Variants in MTHFD1L observed in about 807,000 individuals in gnomAD.
MTHFD1L encodes monofunctional C1-tetrahydrofolate synthase, mitochondrial.
A neutral mutation model predicts 119.5 loss-of-function variants in MTHFD1L; 81 were observed. The observed-to-expected ratio is 0.68, with a 90% confidence interval of 0.57 to 0.82. The LOEUF (loss-of-function observed/expected upper bound fraction) is 0.82, where lower values mean the gene tolerates loss of function less well. Ranked by LOEUF, MTHFD1L falls within the 40% of genes least tolerant of loss-of-function variation. The pLI is 0.00. For synonymous variants in MTHFD1L, 430 were observed against 475.2 expected (o/e 0.90, Z 1.24); for missense variants, 1,125 against 1,253.4 (o/e 0.90, Z 1.55).
At chr6:150,885,824 AT>A in intron 6 of MTHFD1L, 90 bp downstream of exon 6, 4 of 965,896 alleles carry the variant, frequency 4.1e-6, no homozygotes, top group Non-Finnish European at 4.6e-6. Context: ...AGAATTAAAA[AT>A]TTTTTTAAAT....
intron 2 of MTHFD1L, among the ~76,000 whole-genome samples, chr6:150,876,695 C>A (rs1780504143): frequency 1.3e-5 from 2 of 152,186 alleles, no homozygotes; most frequent in South Asian, 2.1e-4. Flanking sequence ...CAGTTGGCCC[C>A]AGTTGCCATC....
At chr6:151,093,656 T>TA (rs753488261) in intron 27 of MTHFD1L, among the ~76,000 whole-genome samples, 112 of 144,706 alleles carry the variant, frequency 7.7e-4, no homozygotes, top group Middle Eastern at 7.1e-3. Context: ...ACTCTCCTTC[T>TA]AAAAAAAAAA....
intron 7 of MTHFD1L, among the ~76,000 whole-genome samples, chr6:150,902,557 A>G (rs1174972376): frequency 1.3e-5 from 2 of 152,154 alleles, no homozygotes; most frequent in African/African-American, 4.8e-5. Context: ...CAGGCTATTT[A>G]CTGATTTAAG....
At chr6:150,974,340 T>C (rs1278711141) in intron 20 of MTHFD1L, among the ~76,000 whole-genome samples, 1 of 152,258 alleles carries the variant, frequency 6.6e-6, no homozygotes, top group Non-Finnish European at 1.5e-5. Flanking sequence ...TTACCCCCAC[T>C]ATTGATACAC....
intron 11 of MTHFD1L, among the ~76,000 whole-genome samples, chr6:150,932,177 A>AG (rs1017648643): frequency 6.6e-6 from 1 of 150,404 alleles, no homozygotes; most frequent in Non-Finnish European, 1.5e-5. Flanking sequence ...AAAAAAAAAA[A>AG]AAAAAAAAGC....
intron 11 of MTHFD1L, among the ~76,000 whole-genome samples, chr6:150,928,270 C>G (rs1790388174): frequency 6.6e-6 from 1 of 151,688 alleles, no homozygotes; most frequent in Admixed American, 6.6e-5. Flanking sequence ...CCCGTCTCTA[C>G]TAAAAATACC....
chr6:150,870,965 T>TA, intron 1 of MTHFD1L, among the ~76,000 whole-genome samples: 1 of 145,060 alleles, frequency 6.9e-6, no homozygotes, highest in South Asian at 2.1e-4. Context: ...ATATATATTA[T>TA]ATATATAAAA....
At chr6:151,047,075 A>AT (rs60907945) in intron 26 of MTHFD1L, among the ~76,000 whole-genome samples, 5,219 of 152,282 alleles carry the variant, frequency 0.034, 161 homozygotes, top group African/African-American at 0.083. Flanking sequence ...TCAGATTACA[A>AT]TAAGTCCTCA....
rs1052354968 is a variant in MTHFD1L at position 150,979,523 on chromosome 6, C to T, written c.2125+7465C>T. On this transcript the variant is annotated intron_variant, in intron 20 of 27. Transcript: ENST00000367321. The stretch of plus-strand genomic sequence containing the variant: ...ATTTTTTTATTTTCCTTTTTTGAGA[C>T]GGAGTCTCACTCTGTCTCCTAGGCT... Among the ~76,000 whole-genome samples the T allele has an allele frequency of 1.7e-4, 26 of 151,908 alleles. 1 individual carries two copies. Among genetic ancestry groups the T allele is most frequent in the South Asian group, 6.2e-4 (3 of 4,822 alleles).
At chr6:151,075,515 A>T (rs1792401522) in intron 26 of MTHFD1L, among the ~76,000 whole-genome samples, 1 of 152,192 alleles carries the variant, frequency 6.6e-6, no homozygotes, top group African/African-American at 2.4e-5. Context: ...AGATAAAATT[A>T]TAGGGAAAAA....
chr6:151,016,276 CAA>C (rs1327248734), intron 24 of MTHFD1L, among the ~76,000 whole-genome samples: 5 of 152,002 alleles, frequency 3.3e-5, no homozygotes, highest in Non-Finnish European at 5.9e-5. Context: ...TGCACAGGAA[CAA>C]GAGCAATTTC....
intron 1 of MTHFD1L, chr6:150,866,685 A>G (rs1316486404): frequency 1.7e-6 from 2 of 1,164,718 alleles, no homozygotes; most frequent in Non-Finnish European, 2.1e-6. Context: ...GAGAGGTCTC[A>G]GCGCTGGTTT....
chr6:150,875,037 C>T (rs1001588245), intron 1 of MTHFD1L, among the ~76,000 whole-genome samples: 8 of 151,272 alleles, frequency 5.3e-5, no homozygotes, highest in Admixed American at 2.6e-4. Flanking sequence ...CGTGAGCCAC[C>T]GCTCCTGGAC....
intron 15 of MTHFD1L, among the ~76,000 whole-genome samples, chr6:150,946,733 A>G (rs948247506): frequency 6.6e-6 from 1 of 152,130 alleles, no homozygotes; most frequent in Admixed American, 6.6e-5. Flanking sequence ...CTCGGCAGCT[A>G]TAACAACATG....
rs1462426431 is a variant in MTHFD1L at position 151,012,038 on chromosome 6, A to C, written c.2266-1741A>C. On this transcript the variant is annotated intron_variant, in intron 21 of 27. Coordinates refer to ENST00000367321, the MANE Select transcript of MTHFD1L (RefSeq NM_015440.5). ...CAACAACAAAAAAAAAAAAAAAAAA[A>C]AAAAAAAAAAAAACCAGCAGGGACC... is the stretch of plus-strand genomic sequence containing the variant. 2.5e-3 allele frequency among the ~76,000 whole-genome samples: 374 copies of C among 147,292 alleles called. 4 individuals are homozygous for C. The highest frequency in any genetic ancestry group is 8.8e-3 in the African/African-American group (357 of 40,640).
chr6:150,969,334 A>G (rs1797704757), intron 19 of MTHFD1L, among the ~76,000 whole-genome samples: 1 of 152,156 alleles, frequency 6.6e-6, no homozygotes, highest in Admixed American at 6.5e-5. Context: ...CTGCCTAATA[A>G]ATCAGAGATT....
Position 150,926,046 on chromosome 6 carries a change from G to A in MTHFD1L, c.1083-76G>A. On this transcript the variant is annotated intron_variant, in intron 10 of 27. Transcript: ENST00000367321. This position sits in a 1 kb window ranked among gnomAD's most constrained non-coding sequence, Gnocchi z 4.3. ...ATTGATTTCATCGTTGGCGTGATGT[G>A]TGGCTGTTTTCACTCCAGTTGTGAC... 7.6e-7 allele frequency: 1 copy of A among 1,307,372 alleles called. No homozygotes were observed. Among genetic ancestry groups the A allele is most frequent in the South Asian group, 1.5e-5 (1 of 67,266 alleles). The allele number at this position is 1,307,372 out of a possible 1,614,324, so 81.0% of individuals were successfully genotyped here. A position where few individuals can be genotyped will look rare whatever the true frequency, so the allele number is the denominator to read the frequency against.
chr6:151,090,946 T>TCCATGCGACTGGGTGCAGCATCGCC lies in MTHFD1L; in HGVS notation c.2848-1497_2848-1473dup, dbSNP rs1562651414. The stretch of plus-strand genomic sequence containing the variant: ...TCCATGCGACTGGGTGCAGCATCGT[T>TCCATGCGACTGGGTGCAGCATCGCC]CCATGCGACTGGGTGCAGCATCGCC... On this transcript the variant is annotated intron_variant, in intron 26 of 27. Transcript: ENST00000367321. Among the ~76,000 whole-genome samples the TCCATGCGACTGGGTGCAGCATCGCC allele has an allele frequency of 4.9e-4, 44 of 90,358 alleles. 4 individuals are homozygous for TCCATGCGACTGGGTGCAGCATCGCC. Among genetic ancestry groups the TCCATGCGACTGGGTGCAGCATCGCC allele is most frequent in the South Asian group, 1.9e-3 (5 of 2,674 alleles). The allele number at this position is 90,358 out of a possible 152,430, so 59.3% of individuals were successfully genotyped here.
intron 21 of MTHFD1L, among the ~76,000 whole-genome samples, chr6:151,012,418 G>A (rs1386184368): frequency 2.6e-5 from 4 of 151,684 alleles, no homozygotes; most frequent in East Asian, 1.9e-4. Context: ...CGCTGGGATC[G>A]ACTTCCTTTT....
Sources: gnomAD v4.1 joint callset for allele counts (sites outside exome capture counted in the v4.1 genomes callset) on GRCh38, gnomAD v4.1.1 for gene constraint, Gnocchi (gnomAD v3.1) non-coding constraint, MANE v1.5 for transcripts, NCBI Gene and HGNC (gene_info 2026-07-23, HGNC 2026-07-21) for gene names.